The following CSMD1 variants were observed in gnomAD, a reference collection of about 807,000 sequenced individuals.
CSMD1 encodes CUB and Sushi multiple domains 1.
CSMD1 carries 213 observed loss-of-function variants against 417.5 expected under a neutral mutation model. The observed-to-expected ratio is 0.51, with a 90% CI of 0.46 to 0.57. The LOEUF is 0.57. CSMD1 is among the 20% of genes least tolerant of loss of function. CSMD1 has a pLI of 0.00. For missense variants in CSMD1, 6,923 were observed against 4,529.7 expected (o/e 1.53, Z -15.17); for synonymous variants, 2,862 against 1,736.8 (o/e 1.65, Z -16.11).
chr8:4,277,038 G>C lies in CSMD1; in HGVS notation c.415+142915C>G, dbSNP rs951028581. 3.3e-5 allele frequency among the ~76,000 whole-genome samples: 5 copies of C among 152,180 alleles called. No homozygotes were observed. The South Asian group carries it at 1.0e-3, about 32-fold the overall frequency. On this transcript the variant is annotated intron_variant, in intron 3 of 69. Coordinates refer to ENST00000635120, the MANE Select transcript of CSMD1 (RefSeq NM_033225.6). Reference sequence around the variant, plus strand: ...CAGAGAAAGGTCAAAAAAATTACCAGGATGCCATCAGACTATCCATTTTAC... The same window carrying C: ...CAGAGAAAGGTCAAAAAAATTACCACGATGCCATCAGACTATCCATTTTAC...
At chr8:4,156,383 T>G (rs1387318458) in intron 3 of CSMD1, among the ~76,000 whole-genome samples, 3 of 152,162 alleles carry the variant, frequency 2.0e-5, no homozygotes, top group African/African-American at 7.2e-5. Context: ...CAGAAGCCAA[T>G]GGCAAGTCCA....
At position 3,520,735 on chromosome 8, in the gene CSMD1, G is replaced by C. The variant is rs77689866; in HGVS notation, c.1345-27009C>G. Among the ~76,000 whole-genome samples, 414 of 151,866 alleles carry C rather than the reference G, an allele frequency of 2.7e-3. 1 individual carries two copies. The highest frequency in any genetic ancestry group is 9.7e-3 in the African/African-American group (402 of 41,408). ...CATGGCTGCCCACCTTTTTTTGTGTGTATATCCTACAATGACACTTGCTTA... is the reference window on the plus strand; with the variant it reads ...CATGGCTGCCCACCTTTTTTTGTGTCTATATCCTACAATGACACTTGCTTA... On this transcript the variant is annotated intron_variant, in intron 10 of 69. Transcript: ENST00000635120.
At chr8:3,471,825 A>C (rs899510566) in intron 11 of CSMD1, among the ~76,000 whole-genome samples, 1 of 152,192 alleles carries the variant, frequency 6.6e-6, no homozygotes, top group Non-Finnish European at 1.5e-5. Flanking sequence ...GAGGAAAGTA[A>C]ACATACTGTT....
chr8:4,874,670 G>T (rs1247849009), intron 1 of CSMD1, among the ~76,000 whole-genome samples: 1 of 151,660 alleles, frequency 6.6e-6, no homozygotes. Flanking sequence ...GGATCAGTTG[G>T]CATCTTATGT....
At chr8:4,027,053 G>C (rs1243591658) in intron 4 of CSMD1, among the ~76,000 whole-genome samples, 2 of 152,214 alleles carry the variant, frequency 1.3e-5, no homozygotes, top group African/African-American at 4.8e-5. Context: ...TGGAAAAGAA[G>C]CAGATAGTTC....
intron 53 of CSMD1, among the ~76,000 whole-genome samples, chr8:2,999,057 C>A (rs555458799): frequency 6.6e-6 from 1 of 151,340 alleles, no homozygotes; most frequent in Non-Finnish European, 1.5e-5. Context: ...GTACATTGTT[C>A]GAAAAATAGT....
At chr8:3,421,314 C>T (rs144721115) in intron 12 of CSMD1, among the ~76,000 whole-genome samples, 45 of 152,154 alleles carry the variant, frequency 3.0e-4, no homozygotes, top group Non-Finnish European at 5.0e-4. Context: ...GGATATAGGA[C>T]GAGAAGGACT....
At chr8:4,172,869 T>C (rs1647298) in intron 3 of CSMD1, among the ~76,000 whole-genome samples, 11,326 of 152,062 alleles carry the variant, frequency 0.074, 621 homozygotes, top group Middle Eastern at 0.11. Flanking sequence ...TGCGTAGGCA[T>C]AAAAGGGAGC....
chr8:3,191,316 C>T (rs1398805370), intron 33 of CSMD1, among the ~76,000 whole-genome samples: 1 of 152,058 alleles, frequency 6.6e-6, no homozygotes, highest in Non-Finnish European at 1.5e-5. Flanking sequence ...ATTAGCCGGG[C>T]ATGGTGGCAC....
chr8:3,634,868 C>G (rs1039315356), intron 7 of CSMD1, among the ~76,000 whole-genome samples: 7 of 152,184 alleles, frequency 4.6e-5, no homozygotes, highest in Admixed American at 4.6e-4. Context: ...TGCACTTGCC[C>G]AATCCTAGAT....
intron 1 of CSMD1, among the ~76,000 whole-genome samples, chr8:4,720,115 G>C (rs1199210685): frequency 6.7e-6 from 1 of 150,284 alleles, no homozygotes; most frequent in Non-Finnish European, 1.5e-5. Flanking sequence ...TTAATCTGTG[G>C]TTTGGAGTTT....
intron 3 of CSMD1, among the ~76,000 whole-genome samples, chr8:4,124,767 C>G (rs567580927): frequency 1.3e-5 from 2 of 152,144 alleles, no homozygotes; most frequent in Non-Finnish European, 2.9e-5. Context: ...GAAACTTCAA[C>G]CAATCATATA....
At chr8:3,419,361 T>G (rs1430470615) in intron 12 of CSMD1, among the ~76,000 whole-genome samples, 1 of 152,126 alleles carries the variant, frequency 6.6e-6, no homozygotes, top group Non-Finnish European at 1.5e-5. Flanking sequence ...AAATGAAGGA[T>G]GAAGGTGCTG....
chr8:3,741,839 C>T (rs1423284604), intron 6 of CSMD1, among the ~76,000 whole-genome samples: 2 of 152,140 alleles, frequency 1.3e-5, no homozygotes, highest in East Asian at 1.9e-4. Context: ...GTGCTCAAGT[C>T]GGCTTTAGCA....
intron 3 of CSMD1, among the ~76,000 whole-genome samples, chr8:4,303,577 T>C (rs991782100): frequency 6.6e-6 from 1 of 152,046 alleles, no homozygotes; most frequent in African/African-American, 2.4e-5. Context: ...GCAGCGTTGG[T>C]GACTGTGTGG....
intron 2 of CSMD1, among the ~76,000 whole-genome samples, chr8:4,543,876 G>A (rs1206980666): frequency 6.6e-6 from 1 of 152,044 alleles, no homozygotes; most frequent in Non-Finnish European, 1.5e-5. Context: ...CAATTCCTTA[G>A]GGACATAAGA....
At chr8:4,076,135 G>A (rs911454120) in intron 3 of CSMD1, among the ~76,000 whole-genome samples, 6 of 152,164 alleles carry the variant, frequency 3.9e-5, no homozygotes, top group Non-Finnish European at 8.8e-5. Context: ...CCTGTAGGAG[G>A]TAACTGAATC....
At chr8:3,282,887 T>A (rs34264533) in intron 26 of CSMD1, among the ~76,000 whole-genome samples, 109,587 of 151,924 alleles carry the variant, frequency 0.72, 40,507 homozygotes, top group Admixed American at 0.82. Flanking sequence ...ATAAATTGAG[T>A]CTGAATGTGT....
At chr8:3,640,663 G>A (rs536537538) in intron 7 of CSMD1, among the ~76,000 whole-genome samples, 10 of 152,222 alleles carry the variant, frequency 6.6e-5, no homozygotes, top group Admixed American at 2.0e-4. Flanking sequence ...TTTGATTGTC[G>A]CTACAATGTT....
Sources: allele counts gnomAD v4.1 joint callset (sites outside exome capture counted in the v4.1 genomes callset), GRCh38; gene constraint gnomAD v4.1.1; transcripts MANE v1.5; gene names NCBI Gene and HGNC (gene_info 2026-07-23, HGNC 2026-07-21).